Variants in CHST9 observed in about 807,000 individuals in gnomAD.
CHST9 encodes carbohydrate sulfotransferase 9.
CHST9 carries 41 observed loss-of-function variants against 44.4 expected under a neutral mutation model. The observed-to-expected ratio is 0.92, with a 90% CI of 0.72 to 1.20. The LOEUF (loss-of-function observed/expected upper bound fraction) is 1.20, where lower values mean the gene tolerates loss of function less well. Among genes scored for constraint, CHST9 ranks in the 50% most tolerant of loss-of-function variants. The pLI, the probability that CHST9 is intolerant of heterozygous loss-of-function variation, is 0.00. For missense variants in CHST9, 504 were observed against 516.5 expected (o/e 0.98, Z 0.23); for synonymous variants, 171 against 178.4 (o/e 0.96, Z 0.33).
At chr18:26,938,727 C>T (rs1484047886) in intron 5 of CHST9, among the ~76,000 whole-genome samples, 1 of 152,164 alleles carries the variant, frequency 6.6e-6, no homozygotes, top group Non-Finnish European at 1.5e-5. Flanking sequence ...TATGGACATA[C>T]AGGTAAAAAG....
intron 5 of CHST9, among the ~76,000 whole-genome samples, chr18:26,928,045 T>G (rs2055805838): frequency 6.6e-6 from 1 of 152,196 alleles, no homozygotes; most frequent in South Asian, 2.1e-4. Context: ...ACATCCTGCA[T>G]AGCCCTAAAT....
At chr18:26,926,392 AAGG>A (rs2055768481) in intron 5 of CHST9, among the ~76,000 whole-genome samples, 1 of 152,194 alleles carries the variant, frequency 6.6e-6, no homozygotes, top group Non-Finnish European at 1.5e-5. Flanking sequence ...TGTGAATGTC[AAGG>A]AGAAGTTTCT....
intron 4 of CHST9, among the ~76,000 whole-genome samples, chr18:27,009,148 G>A (rs972421637): frequency 6.6e-6 from 1 of 151,976 alleles, no homozygotes; most frequent in Non-Finnish European, 1.5e-5. Flanking sequence ...TCTGTAACTC[G>A]GATTCAGTCA....
intron 2 of CHST9, among the ~76,000 whole-genome samples, chr18:27,129,566 T>C (rs1034095068): frequency 6.6e-6 from 1 of 152,018 alleles, no homozygotes; most frequent in African/African-American, 2.4e-5. Flanking sequence ...ATAATGTTTG[T>C]ATTTTTAGTA....
intron 4 of CHST9, among the ~76,000 whole-genome samples, chr18:26,982,527 A>C (rs960156118): frequency 6.6e-6 from 1 of 152,148 alleles, no homozygotes; most frequent in African/African-American, 2.4e-5. Flanking sequence ...CTTAGAGTAA[A>C]TTCATTGTGT....
At chr18:27,140,067 G>A (rs897211979) in intron 2 of CHST9, among the ~76,000 whole-genome samples, 1 of 152,146 alleles carries the variant, frequency 6.6e-6, no homozygotes, top group African/African-American at 2.4e-5. Context: ...TATAGCTACA[G>A]GTTAAGTCAT....
intron 1 of CHST9, among the ~76,000 whole-genome samples, chr18:27,152,341 C>CTTT (rs11383019): frequency 1.3e-5 from 2 of 148,908 alleles, no homozygotes; most frequent in Admixed American, 6.7e-5. Flanking sequence ...AGTGTAGAGT[C>CTTT]TTTTTTTTTT....
At chr18:27,137,474 G>A (rs1017682656) in intron 2 of CHST9, among the ~76,000 whole-genome samples, 4 of 151,826 alleles carry the variant, frequency 2.6e-5, no homozygotes, top group Non-Finnish European at 2.9e-5. Flanking sequence ...TCCTGAAACT[G>A]AGCACATCCA....
chr18:26,998,225 C>T (rs1568126559), intron 4 of CHST9, among the ~76,000 whole-genome samples: 1 of 152,144 alleles, frequency 6.6e-6, no homozygotes, highest in Non-Finnish European at 1.5e-5. Context: ...TATTGTGGCA[C>T]CTATATCGCT....
At chr18:27,170,073 G>A (rs2058822776) in intron 1 of CHST9, among the ~76,000 whole-genome samples, 2 of 152,156 alleles carry the variant, frequency 1.3e-5, no homozygotes, top group South Asian at 4.1e-4. Flanking sequence ...CCAAAATCAG[G>A]AGGCTGGTTA....
chr18:26,935,822 G>A (rs1041731198), intron 5 of CHST9: 6 of 152,020 alleles, frequency 3.9e-5, no homozygotes, highest in African/African-American at 1.4e-4. Flanking sequence ...GATCCTTACT[G>A]GTACTCTGAA....
At chr18:27,084,829 CAGAGA>C (rs1270266850) in intron 2 of CHST9, among the ~76,000 whole-genome samples, 1 of 151,938 alleles carries the variant, frequency 6.6e-6, no homozygotes, top group Admixed American at 6.6e-5. Context: ...TAGCTGTGTC[CAGAGA>C]TACTAGTATG....
intron 4 of CHST9, among the ~76,000 whole-genome samples, chr18:26,987,727 T>G (rs2056770793): frequency 6.6e-6 from 1 of 152,132 alleles, no homozygotes; most frequent in East Asian, 1.9e-4. Context: ...TGGGGTCTTT[T>G]GGGAGATGAT....
intron 4 of CHST9, among the ~76,000 whole-genome samples, chr18:27,017,000 C>A (rs2057162872): frequency 6.6e-6 from 1 of 152,118 alleles, no homozygotes; most frequent in Non-Finnish European, 1.5e-5. Flanking sequence ...GCTATAAAAT[C>A]ACTTGTGATA....
At chr18:27,003,464 C>A (rs769050478) in intron 4 of CHST9, among the ~76,000 whole-genome samples, 3 of 152,106 alleles carry the variant, frequency 2.0e-5, no homozygotes, top group Non-Finnish European at 4.4e-5. Flanking sequence ...TGGGCATGGA[C>A]CTGGTAAATT....
intron 4 of CHST9, among the ~76,000 whole-genome samples, chr18:26,985,532 A>C (rs958312566): frequency 3.3e-5 from 5 of 152,202 alleles, no homozygotes; most frequent in African/African-American, 1.2e-4. Flanking sequence ...AGAAAACTAC[A>C]ATAGAGCCCA....
chr18:27,040,035 G>A (rs775989595), intron 3 of CHST9, among the ~76,000 whole-genome samples: 65 of 152,186 alleles, frequency 4.3e-4, no homozygotes, highest in Admixed American at 7.2e-4. Context: ...AGGAGGAAAG[G>A]ACTATATCTG....
chr18:27,164,804 G>C (rs936032140), intron 1 of CHST9, among the ~76,000 whole-genome samples: 2 of 152,158 alleles, frequency 1.3e-5, no homozygotes, highest in Admixed American at 1.3e-4. Flanking sequence ...TCTAGAATAA[G>C]GCAATGGAGC....
At chr18:27,069,142 G>A (rs1469027874) in intron 2 of CHST9, among the ~76,000 whole-genome samples, 2 of 152,082 alleles carry the variant, frequency 1.3e-5, no homozygotes, top group African/African-American at 4.8e-5. Context: ...AATGTAAAGT[G>A]GTGTTAGGGT....
Sources: allele counts gnomAD v4.1 joint callset (sites outside exome capture counted in the v4.1 genomes callset), GRCh38; gene constraint gnomAD v4.1.1; transcripts MANE v1.5; gene names NCBI Gene and HGNC (gene_info 2026-07-23, HGNC 2026-07-21).